SSR1: variants seen among roughly 807,000 people sequenced by gnomAD.
SSR1 encodes the protein signal sequence receptor subunit 1.
A neutral mutation model predicts 36.1 loss-of-function variants in SSR1; 13 were observed. The observed-to-expected ratio is 0.36, with a 90% confidence interval of 0.23 to 0.57. SSR1 has a LOEUF of 0.57. Among genes scored for constraint, SSR1 ranks in the 20% least tolerant of loss-of-function variants. The pLI, the probability that SSR1 is intolerant of heterozygous loss-of-function variation, is 0.81. For synonymous variants in SSR1, 113 were observed against 118.9 expected (o/e 0.95, Z 0.32); for missense variants, 291 against 338.5 (o/e 0.86, Z 1.10).
chr6:7,299,845 T>TA (rs1434096066), intron 4 of SSR1, among the ~76,000 whole-genome samples: 1 of 152,208 alleles, frequency 6.6e-6, no homozygotes, highest in African/African-American at 2.4e-5. Context: ...ACTGGGGCAA[T>TA]ACACAGCTAT....
rs1757630302 is a variant in SSR1, at chr6:7,289,477, A to C, written c.*387T>G. On this transcript the variant is annotated 3_prime_UTR_variant, in exon 8 of 8. Coordinates refer to ENST00000244763, the MANE Select transcript of SSR1 (RefSeq NM_003144.5). ...TTAAAACTGTTCAAGGCAGGACATC[A>C]ATAATCATAGTGGGTAAATATTAAC... 5.0e-6 allele frequency: 1 copy of C among 200,226 alleles called. No individual in the cohort carries two copies. The highest frequency in any genetic ancestry group is 1.0e-5 in the Non-Finnish European group (1 of 100,306). The allele number at this position is 200,226 out of a possible 1,614,324, so 12.4% of individuals were successfully genotyped here.
intron 2 of SSR1, 136 bp from the exon 3 acceptor site, chr6:7,303,773 G>C: frequency 1.7e-6 from 1 of 589,560 alleles, no homozygotes; most frequent in Non-Finnish European, 2.9e-6. Context: ...ATCACCTGAA[G>C]TCAGGAGCTC....
intron 2 of SSR1, 86 bp from the exon 3 acceptor site, chr6:7,303,723 G>T: frequency 9.7e-7 from 1 of 1,029,920 alleles, no homozygotes; most frequent in Non-Finnish European, 1.5e-6. Context: ...GGGCACGGTG[G>T]CTCACACTTA....
chr6:7,294,743 C>G (rs940627545), intron 7 of SSR1, among the ~76,000 whole-genome samples: 2 of 151,800 alleles, frequency 1.3e-5, no homozygotes, highest in Non-Finnish European at 2.9e-5. Flanking sequence ...CAGGAATTGA[C>G]TTATTTTTTT....
In SSR1 at chr6:7,289,848, T is replaced by G. The variant is rs368803812; in HGVS notation, c.*16A>C. 6.4e-7 allele frequency: 1 copy of G among 1,569,076 alleles called. No individual in the cohort carries two copies. The highest frequency in any genetic ancestry group is 2.4e-5 in the East Asian group (1 of 41,528). ...GGCAGGTTAAGTAAAGACCGAATTGTTGCACAAAGGAACATTTACTCATCA... is the reference window on the plus strand; with the variant it reads ...GGCAGGTTAAGTAAAGACCGAATTGGTGCACAAAGGAACATTTACTCATCA... On this transcript the variant is annotated 3_prime_UTR_variant, in exon 8 of 8. Coordinates refer to ENST00000244763, the MANE Select transcript of SSR1 (RefSeq NM_003144.5).
In SSR1 at chr6:7,288,823, T is replaced by C. The variant is rs547137545; in HGVS notation, c.*1041A>G. 1.3e-5 allele frequency: 2 copies of C among 152,480 alleles called. No homozygotes were observed. Among genetic ancestry groups the C allele is most frequent in the South Asian group, 4.1e-4 (2 of 4,824 alleles). 9.4% of individuals were successfully genotyped at this position (152,480 alleles called of 1,614,324 possible). A position where few individuals can be genotyped will look rare whatever the true frequency, so the allele number is the denominator to read the frequency against. On this transcript the variant is annotated 3_prime_UTR_variant, in exon 8 of 8. Coordinates refer to ENST00000244763, the MANE Select transcript of SSR1 (RefSeq NM_003144.5). ...GAACAATTTTTGGAATCTTTCAGGT[T>C]AACTAAAAAGGTTATATCAACAAGC...
chr6:7,291,263 C>T (rs959803031), intron 7 of SSR1, among the ~76,000 whole-genome samples: 4 of 151,844 alleles, frequency 2.6e-5, no homozygotes, highest in African/African-American at 7.3e-5. Flanking sequence ...CCAGGTGTGG[C>T]AGTACACGCC....
intron 1 of SSR1, among the ~76,000 whole-genome samples, 162 bp from the exon 2 acceptor site, chr6:7,310,191 T>C (rs1373922439): frequency 6.6e-6 from 1 of 152,078 alleles, no homozygotes; most frequent in Non-Finnish European, 1.5e-5. Flanking sequence ...ATTTATATTT[T>C]AGTTTACTAG....
rs1309306512 is a variant in SSR1, at chr6:7,306,333, C to T, written c.193-2696G>A. On this transcript the variant is annotated intron_variant, in intron 2 of 7. Coordinates refer to ENST00000244763, the MANE Select transcript of SSR1 (RefSeq NM_003144.5). ...GATTTTTTTGTATTTTTAGTAGAGA[C>T]AGGGTTTCACCATGTTAGCCAGGAT... Among the ~76,000 whole-genome samples, 4 of 151,998 alleles carry T rather than the reference C, an allele frequency of 2.6e-5. No homozygotes were observed. In the South Asian group the frequency reaches 8.3e-4, roughly 32 times the overall value.
chr6:7,301,475 A>G lies in SSR1; in HGVS notation c.378T>C (p.Tyr126=), dbSNP rs1453527876. The part of the protein sequence containing the change: ...IVESLDASFR[Y]PQDYQFYIQN... ...GGATATAAAACTGGTAGTCCTGAGG[A>G]TAACGGAATGAGGCATCTAAGGATT... Residue 126 remains tyrosine, a synonymous_variant, in exon 4 of 8, where the codon TAT becomes TAC. Coordinates refer to ENST00000244763, the MANE Select transcript of SSR1 (RefSeq NM_003144.5). 2 of 1,614,206 alleles carry G rather than the reference A, an allele frequency of 1.2e-6. No individual in the cohort carries two copies. The highest frequency in any genetic ancestry group is 2.2e-5 in the East Asian group (1 of 44,874).
At position 7,284,667 on chromosome 6, in the gene SSR1, AAG is replaced by A. The variant is rs1277053040; in HGVS notation, c.*5195_*5196del. ...AGCATCATACAACTTGCCTCCAACT[AAG>A]AGGGGATCTGGGGTTCAAACCCAGG... On this transcript the variant is annotated 3_prime_UTR_variant, in exon 8 of 8. Coordinates refer to ENST00000244763, the MANE Select transcript of SSR1 (RefSeq NM_003144.5). 1 of 151,978 alleles carries A rather than the reference AAG, an allele frequency of 6.6e-6. No homozygotes were observed. Among genetic ancestry groups the A allele is most frequent in the Non-Finnish European group, 1.5e-5 (1 of 68,002 alleles). The allele number at this position is 151,978 out of a possible 1,614,324, so 9.4% of individuals were successfully genotyped here.
intron 7 of SSR1, among the ~76,000 whole-genome samples, chr6:7,293,605 G>T (rs1037670434): frequency 1.3e-5 from 2 of 151,926 alleles, no homozygotes; most frequent in Non-Finnish European, 2.9e-5. Flanking sequence ...GTAGAGATGG[G>T]GTCTCACTAT....
At chr6:7,289,988 G>A in intron 7 of SSR1, 57 bp from the exon 8 acceptor site, 1 of 1,425,784 alleles carries the variant, frequency 7.0e-7, no homozygotes, top group Non-Finnish European at 9.4e-7. Context: ...GAATTCAAAA[G>A]ACATGTTAAA....
In SSR1 at chr6:7,286,444, T is replaced by C. The variant is rs1196332963; in HGVS notation, c.*3420A>G. ...CAAATATCCTCTAAGGATGAGCTTA[T>C]AGACAGATTAACTTAACAACGAAAC... On this transcript the variant is annotated 3_prime_UTR_variant, in exon 8 of 8. Coordinates refer to ENST00000244763, the MANE Select transcript of SSR1 (RefSeq NM_003144.5). 6.6e-6 allele frequency: 1 copy of C among 152,236 alleles called. No homozygotes were observed. The highest frequency in any genetic ancestry group is 1.5e-5 in the Non-Finnish European group (1 of 68,036). 9.4% of individuals were successfully genotyped at this position (152,236 alleles called of 1,614,324 possible).
At chr6:7,289,952 T>C in intron 7 of SSR1, 21 bp from the exon 8 acceptor site, 2 of 1,528,830 alleles carry the variant, frequency 1.3e-6, no homozygotes, top group Non-Finnish European at 1.7e-6. Flanking sequence ...AGAGAAAGTT[T>C]TAAGCTTGCC....
chr6:7,306,832 C>T (rs372339179), intron 2 of SSR1, among the ~76,000 whole-genome samples: 5 of 144,888 alleles, frequency 3.5e-5, no homozygotes, highest in South Asian at 4.7e-4. Flanking sequence ...AGGAGACTGG[C>T]GTGAACCCGG....
chr6:7,305,697 TAAG>T (rs1324363334), intron 2 of SSR1, among the ~76,000 whole-genome samples: 1 of 152,222 alleles, frequency 6.6e-6, no homozygotes, highest in Non-Finnish European at 1.5e-5. Flanking sequence ...AACTCATTAT[TAAG>T]AAGAAAATGC....
At chr6:7,308,111 GA>G (rs1758110344) in intron 2 of SSR1, among the ~76,000 whole-genome samples, 1 of 152,112 alleles carries the variant, frequency 6.6e-6, no homozygotes, top group South Asian at 2.1e-4. Context: ...CTGGGTTGAA[GA>G]CGTGGAGTCT....
chr6:7,301,353 C>T lies in SSR1; in HGVS notation c.500G>A (p.Arg167Gln), dbSNP rs753029510. 2.5e-6 allele frequency: 4 copies of T among 1,614,106 alleles called. No individual in the cohort carries two copies. The highest frequency in any genetic ancestry group is 1.7e-5 in the Admixed American group (1 of 60,014). ...SFIPAEPMGG[R>Q]PFGLVINLNY... is the part of the protein sequence containing the mutation. ...CAGATTGATGACCAAACCAAATGGT[C>T]GTCCGCCCATGGGCTCTGCAGGAAT... Residue 167 changes from arginine to glutamine, a missense_variant, in exon 4 of 8, where the codon CGA becomes CAA. Physicochemically the swap from Arg to Gln is conservative, Grantham distance 43. Coordinates refer to ENST00000244763, the MANE Select transcript of SSR1 (RefSeq NM_003144.5).
Sources: allele counts gnomAD v4.1 joint callset (sites outside exome capture counted in the v4.1 genomes callset), GRCh38; gene constraint gnomAD v4.1.1; transcripts MANE v1.5; gene names NCBI Gene and HGNC (gene_info 2026-07-23, HGNC 2026-07-21).